DCC: variants seen among roughly 807,000 people sequenced by gnomAD.
The protein encoded by DCC is netrin receptor DCC.
In DCC, 58 loss-of-function variants were observed where a neutral mutation model predicts 172.5. That is an observed-to-expected ratio of 0.34 (90% CI 0.27 to 0.42). The LOEUF (loss-of-function observed/expected upper bound fraction) is 0.42, where lower values mean the gene tolerates loss of function less well. Ranked by LOEUF, DCC falls within the 10% of genes least tolerant of loss-of-function variation. The probability of loss-of-function intolerance (pLI) is 1.00; values close to 1 mark genes in which losing one functional copy is unlikely to be tolerated. For synonymous variants in DCC, 709 were observed against 644.5 expected (o/e 1.10, Z -1.52); for missense variants, 1,740 against 1,791.0 (o/e 0.97, Z 0.51).
intron 7 of DCC, among the ~76,000 whole-genome samples, chr18:53,105,332 A>G (rs2043229464): frequency 6.6e-6 from 1 of 151,970 alleles, no homozygotes; most frequent in Non-Finnish European, 1.5e-5. Flanking sequence ...GAAAATGTAC[A>G]AGGGCCACAA....
In DCC at chr18:53,322,050, T is replaced by A; in HGVS notation, c.2057T>A (p.Leu686Gln). The A allele has an allele frequency of 6.3e-7, 1 of 1,583,158 alleles. No homozygotes were observed. Among genetic ancestry groups the A allele is most frequent in the Non-Finnish European group, 8.7e-7 (1 of 1,151,634 alleles). ...PNNLWYLFTG[L>Q]EKGSQYSFQV... ...CCTGTGGAAAATTCTTTCATAGGAC[T>A]GGAGAAAGGAAGTCAGTACAGTTTC... Residue 686 changes from leucine (L) to glutamine (Q), a missense_variant, in exon 14 of 29, where the codon CTG (leucine) becomes CAG (glutamine). Leu to Gln is a moderately radical substitution (Grantham distance 113). Coordinates refer to ENST00000442544, the MANE Select transcript of DCC (RefSeq NM_005215.4).
At chr18:52,737,261 A>G (rs959945029) in intron 1 of DCC, among the ~76,000 whole-genome samples, 1 of 152,100 alleles carries the variant, frequency 6.6e-6, no homozygotes, top group South Asian at 2.1e-4. Flanking sequence ...AATAGTGGTT[A>G]AACAACTCCA....
At chr18:52,715,007 T>C (rs2036354966) in intron 1 of DCC, among the ~76,000 whole-genome samples, 1 of 152,142 alleles carries the variant, frequency 6.6e-6, no homozygotes, top group Non-Finnish European at 1.5e-5. Context: ...TAGGAGGAAA[T>C]GCTGGATAAT....
At chr18:52,725,116 A>G (rs2036532794) in intron 1 of DCC, among the ~76,000 whole-genome samples, 1 of 152,158 alleles carries the variant, frequency 6.6e-6, no homozygotes, top group African/African-American at 2.4e-5. Context: ...TTGATTGATC[A>G]AGAAATACCT....
intron 1 of DCC, among the ~76,000 whole-genome samples, chr18:52,624,466 G>A (rs374727288): frequency 1.1e-4 from 16 of 152,036 alleles, no homozygotes; most frequent in African/African-American, 3.6e-4. Flanking sequence ...TTTATTTTTC[G>A]CACTTAAACT....
At chr18:52,544,231 G>A (rs16955214) in intron 1 of DCC, among the ~76,000 whole-genome samples, 13,492 of 152,132 alleles carry the variant, frequency 0.089, 889 homozygotes, top group African/African-American at 0.16. Context: ...TCATTATTCC[G>A]TTTGAACCAT....
intron 5 of DCC, among the ~76,000 whole-genome samples, chr18:52,969,431 C>T (rs915265188): frequency 7.9e-5 from 12 of 152,154 alleles, no homozygotes; most frequent in African/African-American, 2.9e-4. Context: ...TCTTTCCCCT[C>T]ACTTCCATTG....
At chr18:53,050,980 A>T (rs1371428346) in intron 5 of DCC, among the ~76,000 whole-genome samples, 1 of 152,200 alleles carries the variant, frequency 6.6e-6, no homozygotes, top group Non-Finnish European at 1.5e-5. Context: ...CTGTAATTTC[A>T]GCACTTTAGG....
At chr18:52,699,922 T>G (rs916122111) in intron 1 of DCC, among the ~76,000 whole-genome samples, 1 of 152,122 alleles carries the variant, frequency 6.6e-6, no homozygotes, top group Non-Finnish European at 1.5e-5. Context: ...ATTCACAGAG[T>G]TGTGTTCATT....
At chr18:53,170,928 C>T (rs1340774004) in intron 8 of DCC, among the ~76,000 whole-genome samples, 1 of 152,130 alleles carries the variant, frequency 6.6e-6, no homozygotes, top group East Asian at 1.9e-4. Context: ...CTCTGTCACC[C>T]AAGCTGGAGT....
At chr18:52,568,249 C>CA (rs370105777) in intron 1 of DCC, among the ~76,000 whole-genome samples, 1 of 151,978 alleles carries the variant, frequency 6.6e-6, no homozygotes, top group Non-Finnish European at 1.5e-5. Context: ...TATGCTCTCA[C>CA]AAAAAAAGCT....
At chr18:52,410,012 G>A (rs1369612853) in intron 1 of DCC, among the ~76,000 whole-genome samples, 1 of 152,124 alleles carries the variant, frequency 6.6e-6, no homozygotes, top group Non-Finnish European at 1.5e-5. Context: ...GCATCACCAG[G>A]ACATCCCCAC....
intron 12 of DCC, among the ~76,000 whole-genome samples, chr18:53,223,200 A>G (rs1431969523): frequency 2.0e-5 from 3 of 152,142 alleles, no homozygotes; most frequent in Non-Finnish European, 1.5e-5. Context: ...CTCATCTTTC[A>G]TATTTCATAT....
chr18:52,687,793 T>C (rs977480533), intron 1 of DCC, among the ~76,000 whole-genome samples: 1 of 151,872 alleles, frequency 6.6e-6, no homozygotes, highest in Non-Finnish European at 1.5e-5. Flanking sequence ...AAACCAAGAG[T>C]GTATAGGTAT....
At chr18:52,621,074 T>G (rs1289658937) in intron 1 of DCC, among the ~76,000 whole-genome samples, 1 of 152,216 alleles carries the variant, frequency 6.6e-6, no homozygotes, top group Admixed American at 6.5e-5. Context: ...AGGACTGTTG[T>G]GTCTGTGAGT....
chr18:52,853,130 A>G (rs1042322737), intron 2 of DCC, among the ~76,000 whole-genome samples: 3 of 152,194 alleles, frequency 2.0e-5, no homozygotes, highest in Non-Finnish European at 4.4e-5. Flanking sequence ...AGACACAGTG[A>G]CAGGGAGTTT....
intron 2 of DCC, among the ~76,000 whole-genome samples, chr18:52,840,826 C>A (rs1385153593): frequency 6.6e-6 from 1 of 152,188 alleles, no homozygotes; most frequent in Non-Finnish European, 1.5e-5. Flanking sequence ...CAAACACATT[C>A]TTCCAGGTGC....
intron 1 of DCC, among the ~76,000 whole-genome samples, chr18:52,471,296 G>A (rs888618225): frequency 6.6e-6 from 1 of 152,122 alleles, no homozygotes; most frequent in East Asian, 1.9e-4. Context: ...GCTGCAGTGA[G>A]CCTCCAGCCT....
At chr18:53,377,422 A>T (rs1218123220) in intron 15 of DCC, among the ~76,000 whole-genome samples, 2 of 150,820 alleles carry the variant, frequency 1.3e-5, no homozygotes, top group African/African-American at 4.9e-5. Context: ...TTCAACAGGA[A>T]CCCACTCCTG....
Sources: gnomAD v4.1 joint callset for allele counts (sites outside exome capture counted in the v4.1 genomes callset) on GRCh38, gnomAD v4.1.1 for gene constraint, MANE v1.5 for transcripts, NCBI Gene and HGNC (gene_info 2026-07-23, HGNC 2026-07-21) for gene names.